Variants in SEMA5A observed in about 807,000 individuals in gnomAD.
The protein encoded by SEMA5A is semaphorin 5A, also known as semaphorin-5A.
Under a neutral mutation model 135.5 loss-of-function variants are expected in SEMA5A, and 55 were observed. The ratio of observed to expected loss-of-function variants is 0.41; its 90% CI spans 0.33 to 0.51. The LOEUF is 0.51. Among genes scored for constraint, SEMA5A ranks in the 20% least tolerant of loss-of-function variants. The pLI is 0.37. For synonymous variants in SEMA5A, 580 were observed against 546.5 expected, an observed-to-expected ratio of 1.06 and a Z score of -0.85; for missense variants, 1,290 against 1,419.9, an observed-to-expected ratio of 0.91 and a Z score of 1.47.
intron 2 of SEMA5A, among the ~76,000 whole-genome samples, chr5:9,430,031 G>T (rs1401995303): frequency 2.0e-5 from 3 of 152,220 alleles, no homozygotes; most frequent in Non-Finnish European, 2.9e-5. Flanking sequence ...GTTGCTGGGA[G>T]CTTAGCTGAG....
intron 8 of SEMA5A, among the ~76,000 whole-genome samples, chr5:9,209,172 T>C (rs1746210566): frequency 6.6e-6 from 1 of 152,180 alleles, no homozygotes; most frequent in Non-Finnish European, 1.5e-5. Flanking sequence ...ATTCTCCATA[T>C]CTTTAGGTCA....
chr5:9,428,017 TTCTA>T (rs879309890), intron 2 of SEMA5A, among the ~76,000 whole-genome samples: 43 of 151,860 alleles, frequency 2.8e-4, no homozygotes, highest in Non-Finnish European at 5.3e-4. Flanking sequence ...TAGGTGGATA[TTCTA>T]TCTTTCTGTT....
At chr5:9,146,245 C>T (rs1192560370) in intron 12 of SEMA5A, among the ~76,000 whole-genome samples, 1 of 152,164 alleles carries the variant, frequency 6.6e-6, no homozygotes, top group African/African-American at 2.4e-5. Flanking sequence ...TAGCACTTAC[C>T]ACTTTTGTTA....
chr5:9,383,983 C>A (rs1200748847), intron 2 of SEMA5A, among the ~76,000 whole-genome samples: 1 of 152,116 alleles, frequency 6.6e-6, no homozygotes, highest in Admixed American at 6.6e-5. Context: ...GGGTGATGAG[C>A]TGAAATGACA....
At chr5:9,469,157 C>T (rs531181559) in intron 1 of SEMA5A, among the ~76,000 whole-genome samples, 68 of 152,168 alleles carry the variant, frequency 4.5e-4, no homozygotes, top group Non-Finnish European at 6.8e-4. Flanking sequence ...TACAGGCGCC[C>T]GCCACCACTC....
chr5:9,099,690 G>C (rs971060546), intron 16 of SEMA5A, among the ~76,000 whole-genome samples: 11 of 152,182 alleles, frequency 7.2e-5, no homozygotes, highest in African/African-American at 2.7e-4. Context: ...AAGGGGAGGG[G>C]AAATACAAAG....
At chr5:9,197,743 TGTG>T (rs1745482899) in intron 9 of SEMA5A, among the ~76,000 whole-genome samples, 3 of 114,656 alleles carry the variant, frequency 2.6e-5, no homozygotes, top group African/African-American at 9.4e-5. Context: ...TGTGTGTGTG[TGTG>T]TGTGTGTGTG....
At chr5:9,053,857 T>C (rs1412481777) in intron 19 of SEMA5A, 3 of 428,324 alleles carry the variant, frequency 7.0e-6, no homozygotes, top group South Asian at 7.4e-5. Context: ...CACTCTCCCA[T>C]TGCTGGGCTA....
chr5:9,330,432 T>G (rs578192762), intron 4 of SEMA5A, among the ~76,000 whole-genome samples: 1 of 151,318 alleles, frequency 6.6e-6, no homozygotes, highest in Non-Finnish European at 1.5e-5. Flanking sequence ...TTTGTTTTTG[T>G]TTTTGTTTTT....
At chr5:9,407,591 C>A (rs1046984257) in intron 2 of SEMA5A, among the ~76,000 whole-genome samples, 1 of 152,212 alleles carries the variant, frequency 6.6e-6, no homozygotes, top group African/African-American at 2.4e-5. Context: ...TACCTGGCTG[C>A]ATTTGCTTTG....
intron 5 of SEMA5A, among the ~76,000 whole-genome samples, chr5:9,250,247 G>A (rs907105311): frequency 6.6e-6 from 1 of 152,100 alleles, no homozygotes; most frequent in Non-Finnish European, 1.5e-5. Context: ...TTTAGTAGTG[G>A]GAAGGGCACT....
At chr5:9,187,711 A>G (rs1430364871) in intron 11 of SEMA5A, among the ~76,000 whole-genome samples, 1 of 152,266 alleles carries the variant, frequency 6.6e-6, no homozygotes, top group African/African-American at 2.4e-5. Flanking sequence ...CAGTAGATCA[A>G]AAGAAAAGCC....
intron 2 of SEMA5A, among the ~76,000 whole-genome samples, chr5:9,381,981 T>TGTGCGC (rs1411451751): frequency 2.0e-5 from 2 of 99,920 alleles, no homozygotes; most frequent in Non-Finnish European, 4.3e-5. Context: ...TGTGTGTGTG[T>TGTGCGC]GCGCGCGCGC....
At chr5:9,185,813 C>T (rs1191700689) in intron 11 of SEMA5A, among the ~76,000 whole-genome samples, 1 of 152,144 alleles carries the variant, frequency 6.6e-6, no homozygotes. Flanking sequence ...AAGCCCAAGA[C>T]TGAATGGCAT....
chr5:9,099,460 G>T (rs1163384294), intron 16 of SEMA5A, among the ~76,000 whole-genome samples: 1 of 152,164 alleles, frequency 6.6e-6, no homozygotes, highest in Admixed American at 6.5e-5. Flanking sequence ...CTTTACGGAA[G>T]AATATTGGGA....
chr5:9,542,805 A>G (rs1270912120), intron 1 of SEMA5A, among the ~76,000 whole-genome samples: 1 of 152,150 alleles, frequency 6.6e-6, no homozygotes, highest in African/African-American at 2.4e-5. Context: ...CATTTGTTCT[A>G]TCTTGCACAC....
intron 16 of SEMA5A, among the ~76,000 whole-genome samples, chr5:9,081,944 T>G (rs374546508): frequency 6.6e-6 from 1 of 152,168 alleles, no homozygotes; most frequent in Non-Finnish European, 1.5e-5. Flanking sequence ...AGGGTACTAA[T>G]GAGTGCTACA....
chr5:9,168,813 A>G (rs1312407706), intron 11 of SEMA5A, among the ~76,000 whole-genome samples: 1 of 152,324 alleles, frequency 6.6e-6, no homozygotes, highest in Non-Finnish European at 1.5e-5. Flanking sequence ...CCCCTGGAAC[A>G]AAGGCTTAAA....
At chr5:9,502,846 A>G (rs865873837) in intron 1 of SEMA5A, among the ~76,000 whole-genome samples, 8 of 152,162 alleles carry the variant, frequency 5.3e-5, no homozygotes, top group Non-Finnish European at 1.2e-4. Context: ...ACGGAGAAGG[A>G]AGAAGGAAAG....
Sources: allele counts gnomAD v4.1 joint callset (sites outside exome capture counted in the v4.1 genomes callset), GRCh38; gene constraint gnomAD v4.1.1; transcripts MANE v1.5; gene names NCBI Gene and HGNC (gene_info 2026-07-23, HGNC 2026-07-21).